TRAPPC9: variants seen among roughly 807,000 people sequenced by gnomAD.
The protein encoded by TRAPPC9 is IKK2 binding protein.
A neutral mutation model predicts 124.0 loss-of-function variants in TRAPPC9; 83 were observed. That is an observed-to-expected ratio of 0.67 (90% CI 0.56 to 0.80). TRAPPC9 has a LOEUF of 0.80. Ranked by LOEUF, TRAPPC9 falls within the 30% of genes least tolerant of loss-of-function variation. The pLI, the probability that TRAPPC9 is intolerant of heterozygous loss-of-function variation, is 0.00. For missense variants in TRAPPC9, 1,302 were observed against 1,508.3 expected (o/e 0.86, Z 2.27); for synonymous variants, 638 against 617.5 (o/e 1.03, Z -0.49).
At chr8:140,217,744 G>A (rs995018263) in intron 17 of TRAPPC9, among the ~76,000 whole-genome samples, 6 of 152,142 alleles carry the variant, frequency 3.9e-5, no homozygotes, top group African/African-American at 1.4e-4. Flanking sequence ...AGCCAGGCAC[G>A]GTGGCTCATG....
At chr8:140,446,022 G>C (rs2071239390) in intron 2 of TRAPPC9, among the ~76,000 whole-genome samples, 1 of 152,226 alleles carries the variant, frequency 6.6e-6, no homozygotes, top group Non-Finnish European at 1.5e-5. Flanking sequence ...GCTTGGTGCA[G>C]TGGCTCATGC....
intron 2 of TRAPPC9, among the ~76,000 whole-genome samples, chr8:140,449,836 C>T (rs1029696143): frequency 1.3e-5 from 2 of 152,242 alleles, no homozygotes; most frequent in African/African-American, 4.8e-5. Context: ...TTCACCCTCT[C>T]ATCTGTGAAC....
chr8:140,385,586 G>C (rs201896751), intron 7 of TRAPPC9, among the ~76,000 whole-genome samples: 53 of 152,156 alleles, frequency 3.5e-4, no homozygotes, highest in African/African-American at 5.8e-4. Flanking sequence ...ATAAATTCCT[G>C]GACACATACA....
chr8:139,935,235 G>A (rs1476621886), intron 19 of TRAPPC9, among the ~76,000 whole-genome samples: 1 of 152,098 alleles, frequency 6.6e-6, no homozygotes, highest in Admixed American at 6.6e-5. Context: ...TCAATGTAGT[G>A]GCTGCCAGGG....
intron 17 of TRAPPC9, among the ~76,000 whole-genome samples, chr8:140,047,797 C>G (rs1274201802): frequency 3.3e-5 from 5 of 152,228 alleles, no homozygotes; most frequent in Non-Finnish European, 5.9e-5. Flanking sequence ...CTACCACCAC[C>G]CTTAGCAGAA....
At chr8:139,782,146 G>A (rs568283650) in intron 21 of TRAPPC9, among the ~76,000 whole-genome samples, 41 of 152,282 alleles carry the variant, frequency 2.7e-4, no homozygotes, top group African/African-American at 9.4e-4. Flanking sequence ...TTGGGAGGCC[G>A]AGGCAGGCAG....
In TRAPPC9 at chr8:140,257,039, C is replaced by A. The variant is rs889181257; in HGVS notation, c.2279-4110G>T. 2.6e-5 allele frequency among the ~76,000 whole-genome samples: 4 copies of A among 152,170 alleles called. No homozygotes were observed. Among genetic ancestry groups the A allele is most frequent in the Non-Finnish European group, 5.9e-5 (4 of 68,032 alleles). ...AAGTGTTCAGGTGTCTGAGCTCTCC[C>A]TCTGTGCCAGGCACTGTCTGAAGTT... On this transcript the variant is annotated intron_variant, in intron 15 of 22. Transcript: ENST00000438773. This position sits in a 1 kb window ranked among gnomAD's most constrained non-coding sequence, Gnocchi z 4.6.
chr8:140,094,854 C>A (rs1264447866), intron 17 of TRAPPC9: 1 of 152,236 alleles, frequency 6.6e-6, no homozygotes, highest in Non-Finnish European at 1.5e-5. Context: ...AATAGTCCTA[C>A]CCGACTGGCT....
intron 17 of TRAPPC9, among the ~76,000 whole-genome samples, chr8:140,167,778 G>A (rs898545454): frequency 2.6e-5 from 4 of 152,136 alleles, no homozygotes; most frequent in Admixed American, 6.5e-5. Flanking sequence ...AAGGCCACAC[G>A]AAAGCTGACC....
At chr8:140,407,060 A>G (rs2069520262) in intron 5 of TRAPPC9, among the ~76,000 whole-genome samples, 1 of 152,212 alleles carries the variant, frequency 6.6e-6, no homozygotes, top group Non-Finnish European at 1.5e-5. Flanking sequence ...TTTCACACTC[A>G]GCGGAAGCAG....
At chr8:140,021,092 T>A (rs1839810185) in intron 18 of TRAPPC9, among the ~76,000 whole-genome samples, 1 of 152,244 alleles carries the variant, frequency 6.6e-6, no homozygotes, top group Admixed American at 6.5e-5. Flanking sequence ...TTAAATCTAT[T>A]TACGTTTAGT....
intron 17 of TRAPPC9, among the ~76,000 whole-genome samples, chr8:140,047,786 T>G (rs1285471503): frequency 6.6e-6 from 1 of 152,212 alleles, no homozygotes; most frequent in African/African-American, 2.4e-5. Flanking sequence ...GCTGGCTGGC[T>G]CTACCACCAC....
chr8:140,127,164 T>A (rs959341966), intron 17 of TRAPPC9, among the ~76,000 whole-genome samples: 7 of 152,184 alleles, frequency 4.6e-5, no homozygotes, highest in Non-Finnish European at 8.8e-5. Context: ...GGCACTTGGC[T>A]CAAAGGAGAT....
In TRAPPC9 at chr8:140,252,807, G is replaced by C; in HGVS notation, c.2401C>G (p.Gln801Glu). Reference protein sequence around the residue: ...NIKVKLDFSCQENLLQDLSDD... With the variant: ...NIKVKLDFSCEENLLQDLSDD... ...CTGAGATCCTGCAGGAGATTCTCCT[G>C]GCAGGAGAAATCCAGCTTCACTTTG... is the stretch of plus-strand genomic sequence containing the variant. The change falls in exon 16 of 23, where the codon CAG becomes GAG. Residue 801 changes from glutamine to glutamate, a missense_variant. Physicochemically the swap from Gln to Glu is conservative, Grantham distance 29. Coordinates refer to ENST00000438773, the MANE Select transcript of TRAPPC9 (RefSeq NM_001160372.4). This position sits in a 1 kb window ranked among gnomAD's most constrained non-coding sequence, Gnocchi z 4.2. The C allele has an allele frequency of 6.2e-7, 1 of 1,613,974 alleles. No homozygotes were observed.
chr8:139,922,943 T>C (rs184484446), intron 19 of TRAPPC9, among the ~76,000 whole-genome samples: 29 of 152,214 alleles, frequency 1.9e-4, no homozygotes, highest in African/African-American at 7.0e-4. Flanking sequence ...GGCAGGAGTG[T>C]TTTTGGCACC....
At chr8:140,438,744 G>A (rs1023434309) in intron 3 of TRAPPC9, among the ~76,000 whole-genome samples, 5 of 151,988 alleles carry the variant, frequency 3.3e-5, no homozygotes, top group African/African-American at 4.8e-5. Context: ...CCAGGCTGGA[G>A]TGCAGTTGTG....
At chr8:140,423,017 T>C (rs2070275874) in intron 5 of TRAPPC9, among the ~76,000 whole-genome samples, 1 of 152,152 alleles carries the variant, frequency 6.6e-6, no homozygotes, top group Non-Finnish European at 1.5e-5. Flanking sequence ...GAACTTGCAT[T>C]CATTGCTAGT....
intron 18 of TRAPPC9, among the ~76,000 whole-genome samples, chr8:140,023,338 CCT>C (rs2131917892): frequency 6.6e-6 from 1 of 152,336 alleles, no homozygotes; most frequent in African/African-American, 2.4e-5. Flanking sequence ...AAAAGAATAC[CCT>C]GAGTATCTCT....
intron 5 of TRAPPC9, among the ~76,000 whole-genome samples, chr8:140,412,745 A>C (rs551996924): frequency 5.9e-5 from 9 of 152,244 alleles, no homozygotes; most frequent in Non-Finnish European, 1.3e-4. Context: ...AATTATTTCA[A>C]AATCAACAGT....
Sources: allele counts gnomAD v4.1 joint callset (sites outside exome capture counted in the v4.1 genomes callset), GRCh38; gene constraint gnomAD v4.1.1; non-coding constraint Gnocchi (gnomAD v3.1); transcripts MANE v1.5; gene names NCBI Gene and HGNC (gene_info 2026-07-23, HGNC 2026-07-21).